PBX1: variants seen among roughly 807,000 people sequenced by gnomAD.
PBX1 encodes the protein PBX homeobox 1.
Under a neutral mutation model 53.4 loss-of-function variants are expected in PBX1, and 6 were observed. The observed-to-expected ratio is 0.11, with a 90% CI of 0.06 to 0.22. PBX1 has a LOEUF of 0.22. Among genes scored for constraint, PBX1 ranks in the 10% least tolerant of loss-of-function variants. The pLI is 1.00. For missense variants in PBX1, 251 were observed against 551.4 expected (o/e 0.46, Z 5.46); for synonymous variants, 204 against 212.3 (o/e 0.96, Z 0.34).
chr1:164,857,865 A>G (rs1672011199), intron 2 of PBX1, among the ~76,000 whole-genome samples: 1 of 152,210 alleles, frequency 6.6e-6, no homozygotes, highest in African/African-American at 2.4e-5. Flanking sequence ...AATTACAGGG[A>G]GGATTAAGTG....
At chr1:164,622,183 T>C (rs2101855285) in intron 2 of PBX1, among the ~76,000 whole-genome samples, 1 of 152,222 alleles carries the variant, frequency 6.6e-6, no homozygotes, top group African/African-American at 2.4e-5. Context: ...GGAGAAGGCG[T>C]CTTGTTGGAA....
intron 2 of PBX1, among the ~76,000 whole-genome samples, chr1:164,669,081 C>T (rs1660977650): frequency 6.6e-6 from 1 of 152,016 alleles, no homozygotes; most frequent in Non-Finnish European, 1.5e-5. Flanking sequence ...TTTCCTCTTA[C>T]CTCCCCCATC....
chr1:164,796,533 T>TA (rs1436433742), intron 3 of PBX1, among the ~76,000 whole-genome samples: 2 of 152,192 alleles, frequency 1.3e-5, no homozygotes, highest in Non-Finnish European at 2.9e-5. Context: ...AGATCCCAGT[T>TA]ACTTTTGTTG....
At chr1:164,776,553 T>C (rs1288923836) in intron 2 of PBX1, among the ~76,000 whole-genome samples, 1 of 152,214 alleles carries the variant, frequency 6.6e-6, no homozygotes, top group Non-Finnish European at 1.5e-5. Flanking sequence ...TCTAAAGTGT[T>C]CTCTTCCCTT....
At chr1:164,600,135 A>C (rs1448159766) in intron 2 of PBX1, among the ~76,000 whole-genome samples, 1 of 124,662 alleles carries the variant, frequency 8.0e-6, no homozygotes, top group Admixed American at 9.0e-5. Context: ...ATTATGGGAA[A>C]ATTTAAATGG....
chr1:164,586,717 G>A lies in PBX1; in HGVS notation c.265+23406G>A, dbSNP rs139588548. Among the ~76,000 whole-genome samples the A allele has an allele frequency of 5.2e-3, 795 of 152,304 alleles. 5 individuals carry two copies. Among genetic ancestry groups the A allele is most frequent in the Middle Eastern group, 0.024 (7 of 294 alleles). Reference sequence around the variant, plus strand: ...AAGAGAAAGAAGTCACAGATTGGCAGGCATGTGGAGGGCTGATTTAGAACA... The same window carrying A: ...AAGAGAAAGAAGTCACAGATTGGCAAGCATGTGGAGGGCTGATTTAGAACA... On this transcript the variant is annotated intron_variant, in intron 2 of 8. Transcript: ENST00000420696.
Position 164,559,976 on chromosome 1 carries a change from A to G in PBX1, c.154A>G (p.Thr52Ala). Residue 52 changes from threonine (T) to alanine (A), a missense_variant, in exon 1 of 9, where the codon ACC becomes GCC. Physicochemically the swap from Thr to Ala is moderately conservative, Grantham distance 58. Transcript: ENST00000420696. ...TGGAGACATTTTACAGCAAATTATG[A>G]CCATCACAGACCAGAGTTTGGATGA... Reference protein sequence around the residue: ...DIGDILQQIMTITDQSLDEAQ... With the variant: ...DIGDILQQIMAITDQSLDEAQ... 1 of 1,500,212 alleles carries G rather than the reference A, an allele frequency of 6.7e-7. No homozygotes were observed. Among genetic ancestry groups the G allele is most frequent in the Non-Finnish European group, 8.9e-7 (1 of 1,118,444 alleles). The allele number at this position is 1,500,212 out of a possible 1,614,324, so 92.9% of individuals were successfully genotyped here. A position where few individuals can be genotyped will look rare whatever the true frequency, so the allele number is the denominator to read the frequency against.
At chr1:164,701,155 T>C (rs1197668292) in intron 2 of PBX1, among the ~76,000 whole-genome samples, 1 of 152,172 alleles carries the variant, frequency 6.6e-6, no homozygotes, top group East Asian at 1.9e-4. Flanking sequence ...TTTCCCCTGC[T>C]AGGATACATA....
intron 1 of PBX1, chr1:164,560,543 C>T: frequency 7.0e-6 from 1 of 142,698 alleles, no homozygotes; most frequent in Middle Eastern, 2.5e-3. Flanking sequence ...TTTATCTTTT[C>T]TCCTTTCTTC....
intron 2 of PBX1, among the ~76,000 whole-genome samples, chr1:164,650,058 C>G (rs1659694620): frequency 6.6e-6 from 1 of 152,156 alleles, no homozygotes; most frequent in South Asian, 2.1e-4. Flanking sequence ...ACTCTTAACT[C>G]TGGCCATGTG....
chr1:164,825,152 C>G (rs1419281045), intron 8 of PBX1, among the ~76,000 whole-genome samples: 2 of 151,786 alleles, frequency 1.3e-5, no homozygotes, highest in African/African-American at 4.8e-5. Flanking sequence ...CATTTTTCCC[C>G]TTACATTTAC....
At chr1:164,855,702 A>G (rs939090552), downstream of PBX1, among the ~76,000 whole-genome samples, 5 of 152,192 alleles carry the variant, frequency 3.3e-5, no homozygotes, top group Non-Finnish European at 5.9e-5. Context: ...GCAAAAATAC[A>G]ATTTTTATTT....
chr1:164,837,005 C>A (rs1403512369), intron 8 of PBX1, among the ~76,000 whole-genome samples: 1 of 152,138 alleles, frequency 6.6e-6, no homozygotes, highest in Non-Finnish European at 1.5e-5. Context: ...CAGTGTCTCT[C>A]TTTACACGGC....
intron 2 of PBX1, among the ~76,000 whole-genome samples, chr1:164,586,003 G>C (rs904324920): frequency 6.6e-6 from 1 of 152,110 alleles, no homozygotes; most frequent in Non-Finnish European, 1.5e-5. Flanking sequence ...GCTTTTTCCA[G>C]GAGTACTTAG....
chr1:164,874,695 T>C (rs960761975), intron 2 of PBX1, among the ~76,000 whole-genome samples: 7 of 152,170 alleles, frequency 4.6e-5, no homozygotes, highest in Non-Finnish European at 1.0e-4. Context: ...GTTTTCTCCA[T>C]GTTGGCCTGG....
At chr1:164,703,014 A>C (rs549775085) in intron 2 of PBX1, 2 of 90,310 alleles carry the variant, frequency 2.2e-5, no homozygotes, top group Admixed American at 1.9e-4. Context: ...GTCTATTATT[A>C]AAAAAAAAGA....
intron 2 of PBX1, among the ~76,000 whole-genome samples, chr1:164,870,251 T>TTCCTTCCG (rs1672324428): frequency 1.5e-5 from 1 of 65,912 alleles, no homozygotes; most frequent in African/African-American, 6.4e-5. Context: ...CCTTCCTTCC[T>TTCCTTCCG]TCCTTCCTTC....
chr1:164,746,472 G>A lies in PBX1; in HGVS notation c.266-46022G>A, dbSNP rs373373062. Among the ~76,000 whole-genome samples the A allele has an allele frequency of 3.3e-5, 5 of 152,126 alleles. 1 individual carries two copies. The South Asian group carries it at 1.0e-3, about 32-fold the overall frequency. On this transcript the variant is annotated intron_variant, in intron 2 of 8. Transcript: ENST00000420696. ...GCTCACTGCAACCTCCACCTCCCAG[G>A]TTCAAGTGATTCTCCTGCCTCAGCC...
intron 2 of PBX1, among the ~76,000 whole-genome samples, chr1:164,564,198 G>A (rs910570213): frequency 1.3e-5 from 2 of 152,162 alleles, no homozygotes; most frequent in African/African-American, 4.8e-5. Context: ...TAAAGCGGGA[G>A]CTTCTGCTGG....
Sources: gnomAD v4.1 joint callset for allele counts (sites outside exome capture counted in the v4.1 genomes callset) on GRCh38, gnomAD v4.1.1 for gene constraint, MANE v1.5 for transcripts, NCBI Gene and HGNC (gene_info 2026-07-23, HGNC 2026-07-21) for gene names.